CCDC73: variants seen among roughly 807,000 people sequenced by gnomAD.
CCDC73 encodes coiled-coil domain-containing protein 73.
Under a neutral mutation model 116.5 loss-of-function variants are expected in CCDC73, and 95 were observed. The observed-to-expected ratio is 0.82, with a 90% CI of 0.69 to 0.97. CCDC73 has a LOEUF of 0.97. CCDC73 is among the 50% of genes least tolerant of loss of function. The pLI is 0.00. For synonymous variants in CCDC73, 398 were observed against 401.3 expected, an observed-to-expected ratio of 0.99 and a Z score of 0.10; for missense variants, 1,066 against 1,206.8, an observed-to-expected ratio of 0.88 and a Z score of 1.73.
At position 32,613,988 on chromosome 11, in the gene CCDC73, A is replaced by T. The variant is rs1204521669; in HGVS notation, c.2330T>A (p.Leu777His). 2.5e-6 allele frequency: 4 copies of T among 1,611,128 alleles called. No individual in the cohort carries two copies. Among genetic ancestry groups the T allele is most frequent in the Non-Finnish European group, 3.4e-6 (4 of 1,179,824 alleles). Reference protein sequence around the residue: ...LENTNVNISHLHLNNENSHAS... With the variant: ...LENTNVNISHHHLNNENSHAS... ...ATGACTATTCTCATTGTTAAGATGA[A>T]GATGGGAAATGTTCACATTAGTGTT... is the stretch of plus-strand genomic sequence containing the variant. Residue 777 changes from leucine (L) to histidine (H), a missense_variant, in exon 16 of 18, where the codon CTT (leucine) becomes CAT (histidine). By Grantham distance (99) the Leu-to-His change is moderately conservative. Coordinates refer to ENST00000335185, the MANE Select transcript of CCDC73 (RefSeq NM_001008391.4).
intron 6 of CCDC73, among the ~76,000 whole-genome samples, chr11:32,695,062 T>C (rs1458370553): frequency 6.6e-6 from 1 of 152,150 alleles, no homozygotes; most frequent in Non-Finnish European, 1.5e-5. Context: ...ATTTATGGTG[T>C]ATAATGTTTT....
At chr11:32,707,950 T>G (rs996376504) in intron 3 of CCDC73, among the ~76,000 whole-genome samples, 2 of 152,128 alleles carry the variant, frequency 1.3e-5, no homozygotes, top group South Asian at 4.1e-4. Flanking sequence ...TAACTTTGGG[T>G]TCTTGTCATG....
chr11:32,728,545 C>T (rs964743028), intron 2 of CCDC73, among the ~76,000 whole-genome samples: 1 of 151,892 alleles, frequency 6.6e-6, no homozygotes, highest in African/African-American at 2.4e-5. Flanking sequence ...TATTTAGATC[C>T]CAAGATCTGG....
At chr11:32,640,130 T>C (rs1451672898) in intron 13 of CCDC73, among the ~76,000 whole-genome samples, 3 of 152,160 alleles carry the variant, frequency 2.0e-5, no homozygotes, top group Non-Finnish European at 4.4e-5. Flanking sequence ...AAAAAGTAAA[T>C]GTGATCTCCC....
At chr11:32,825,146 G>A in the CCDC73 span, among the ~76,000 whole-genome samples, 2 of 152,124 alleles carry the variant, frequency 1.3e-5, no homozygotes, top group East Asian at 1.9e-4. Context: ...TCAAGCCAGG[G>A]CGGTACATAA....
intron 2 of CCDC73, chr11:32,758,312 A>C (rs1850360782): frequency 2.0e-6 from 1 of 500,572 alleles, no homozygotes; most frequent in African/African-American, 1.9e-5. Context: ...CCTACAATAC[A>C]GCCTCTAACA....
At chr11:32,753,866 C>T (rs1449834240) in intron 2 of CCDC73, among the ~76,000 whole-genome samples, 12 of 152,166 alleles carry the variant, frequency 7.9e-5, no homozygotes, top group Non-Finnish European at 1.5e-4. Flanking sequence ...CCCACCTCGG[C>T]CTACCAAAGT....
rs139024811 is a variant in CCDC73, at chr11:32,760,566, A to G, written c.-15-308T>C. 6.5e-3 allele frequency among the ~76,000 whole-genome samples: 993 copies of G among 152,344 alleles called. 12 individuals are homozygous for G. The highest frequency in any genetic ancestry group is 0.011 in the Non-Finnish European group (723 of 68,026). On this transcript the variant is annotated intron_variant, in intron 1 of 17. Transcript: ENST00000335185. Reference sequence around the variant, plus strand: ...TGTTGCAGGCAAGTTGCTTCATGCCAAAGCTGGGATACACATTCTGCTTCC... The same window carrying G: ...TGTTGCAGGCAAGTTGCTTCATGCCGAAGCTGGGATACACATTCTGCTTCC...
chr11:32,740,162 G>A (rs1276904860), intron 2 of CCDC73, among the ~76,000 whole-genome samples: 1 of 151,782 alleles, frequency 6.6e-6, no homozygotes, highest in Non-Finnish European at 1.5e-5. Context: ...TTTTTGTAAT[G>A]TGTCTTTGTC....
chr11:32,609,824 G>A (rs1055846892), intron 17 of CCDC73, among the ~76,000 whole-genome samples: 11 of 152,094 alleles, frequency 7.2e-5, no homozygotes, highest in Non-Finnish European at 1.6e-4. Context: ...CTGTCATCCA[G>A]GCTGGAGTGC....
chr11:32,652,872 A>G (rs914809539), intron 12 of CCDC73, among the ~76,000 whole-genome samples: 1 of 152,144 alleles, frequency 6.6e-6, no homozygotes, highest in Non-Finnish European at 1.5e-5. Flanking sequence ...AACAGAGTGG[A>G]TTTTTCATTT....
intron 2 of CCDC73, among the ~76,000 whole-genome samples, chr11:32,740,294 A>G (rs1850172128): frequency 6.6e-6 from 1 of 152,024 alleles, no homozygotes; most frequent in African/African-American, 2.4e-5. Flanking sequence ...AATGGTTGAT[A>G]AAATTCCACA....
At chr11:32,693,110 G>A (rs142655085) in intron 6 of CCDC73, among the ~76,000 whole-genome samples, 24 of 152,348 alleles carry the variant, frequency 1.6e-4, no homozygotes, top group Admixed American at 1.4e-3. Flanking sequence ...AATTCAGTAA[G>A]TAGAGTCTCT....
At chr11:32,622,512 TG>T (rs954613823) in intron 14 of CCDC73, among the ~76,000 whole-genome samples, 2 of 150,776 alleles carry the variant, frequency 1.3e-5, no homozygotes, top group African/African-American at 4.9e-5. Flanking sequence ...CCTGTCCGGG[TG>T]GGGGGCAGCA....
intron 9 of CCDC73, among the ~76,000 whole-genome samples, chr11:32,673,635 G>A (rs1482611543): frequency 1.3e-5 from 2 of 152,120 alleles, no homozygotes; most frequent in Non-Finnish European, 2.9e-5. Context: ...AACTTTCTCT[G>A]TACTGAATCA....
intron 13 of CCDC73, among the ~76,000 whole-genome samples, chr11:32,640,201 GT>G (rs1360317118): frequency 6.6e-6 from 1 of 152,078 alleles, no homozygotes; most frequent in Non-Finnish European, 1.5e-5. Context: ...ATTCTGTTGA[GT>G]ACCAAATCAT....
intron 14 of CCDC73, among the ~76,000 whole-genome samples, chr11:32,627,455 C>G (rs1395568601): frequency 1.3e-5 from 2 of 152,168 alleles, no homozygotes; most frequent in Admixed American, 1.3e-4. Flanking sequence ...TTTGACCCAG[C>G]CATCCCATTA....
chr11:32,680,139 A>G (rs1037633937), intron 7 of CCDC73: 15 of 152,214 alleles, frequency 9.9e-5, no homozygotes, highest in South Asian at 4.1e-4. Context: ...GAAGAGGTCC[A>G]TTGTCCAGTT....
chr11:32,651,705 C>A (rs1228804751), intron 12 of CCDC73, among the ~76,000 whole-genome samples: 2 of 152,226 alleles, frequency 1.3e-5, no homozygotes, highest in East Asian at 3.8e-4. Flanking sequence ...AAACCTGAAG[C>A]AGAAGGCCAT....
Sources: gnomAD v4.1 joint callset for allele counts (sites outside exome capture counted in the v4.1 genomes callset) on GRCh38, gnomAD v4.1.1 for gene constraint, MANE v1.5 for transcripts, NCBI Gene and HGNC (gene_info 2026-07-23, HGNC 2026-07-21) for gene names.